The following ANKRD11 variants were observed in gnomAD, a reference collection of about 807,000 sequenced individuals.
ANKRD11 encodes the protein ankyrin repeat domain 11.
Under a neutral mutation model 195.7 loss-of-function variants are expected in ANKRD11, and 17 were observed. The ratio of observed to expected loss-of-function variants is 0.09; its 90% confidence interval spans 0.06 to 0.13. ANKRD11 has a LOEUF of 0.13. Ranked by LOEUF, ANKRD11 falls within the 10% of genes least tolerant of loss-of-function variation. The pLI is 1.00. For synonymous variants in ANKRD11, 1,953 were observed against 1,528.1 expected (o/e 1.28, Z -6.49); for missense variants, 3,735 against 3,566.1 (o/e 1.05, Z -1.21).
intron 2 of ANKRD11, among the ~76,000 whole-genome samples, chr16:89,345,181 C>G (rs1033177066): frequency 6.6e-6 from 1 of 152,096 alleles, no homozygotes; most frequent in Non-Finnish European, 1.5e-5. Flanking sequence ...CAAAAAGACA[C>G]TGTACAATCT....
chr16:89,388,292 G>GTTTTTTTTTTTTTTT (rs1567734637), intron 2 of ANKRD11, among the ~76,000 whole-genome samples: 1 of 61,052 alleles, frequency 1.6e-5, no homozygotes, highest in African/African-American at 5.0e-5. Context: ...CCATGAGGCT[G>GTTTTTTTTTTTTTTT]ATTTTTTTTT....
rs2057708271 is a variant in ANKRD11, at chr16:89,488,844, TGAAATCTAATTTCTCTACCATAA to T, written c.-145+1378_-145+1400del. ...AACTCTCTCCTCATGTAAGAAAGCC[TGAAATCTAATTTCTCTACCATAA>T]AACCCTGTTCTTGCAAAAGGATACA... On this transcript the variant is annotated intron_variant, in intron 1 of 12. Coordinates refer to ENST00000301030, the MANE Select transcript of ANKRD11 (RefSeq NM_013275.6). Among the ~76,000 whole-genome samples, 4 of 152,204 alleles carry T rather than the reference TGAAATCTAATTTCTCTACCATAA, an allele frequency of 2.6e-5. No homozygotes were observed. In the South Asian group the frequency reaches 6.2e-4, roughly 24 times the overall value.
rs758715592 is a variant in ANKRD11 at position 89,280,033 on chromosome 16, G to A, written c.6509C>T (p.Ala2170Val). ...LAPPEEMPPG[A>V]PGVINGGDVS... ...ATCCCCACCGTTTATGACCCCGGGG[G>A]CCCCTGGAGGCATCTCTTCTGGAGG... is the stretch of plus-strand genomic sequence containing the variant. Residue 2170 changes from alanine (A) to valine (V), a missense_variant, in exon 9 of 13, where the codon GCC becomes GTC. By Grantham distance (64) the Ala-to-Val change is moderately conservative. Coordinates refer to ENST00000301030, the MANE Select transcript of ANKRD11 (RefSeq NM_013275.6). 1.9e-6 allele frequency: 3 copies of A among 1,612,680 alleles called. No homozygotes were observed. Among genetic ancestry groups the A allele is most frequent in the African/African-American group, 2.7e-5 (2 of 74,944 alleles).
rs764501022 is a variant in ANKRD11, at chr16:89,282,324, G to A, written c.4218C>T (p.Tyr1406=). 1 of 1,614,142 alleles carries A rather than the reference G, an allele frequency of 6.2e-7. No individual in the cohort carries two copies. Among genetic ancestry groups the A allele is most frequent in the South Asian group, 1.1e-5 (1 of 91,078 alleles). Residue 1406 remains tyrosine (Y), a synonymous_variant, in exon 9 of 13, where the codon TAC becomes TAT. Transcript: ENST00000301030. The part of the protein sequence containing the change: ...FLEADAYGVS[Y]NMKADIEDEL... Reference sequence around the variant, plus strand: ...CATCTTCTATGTCAGCTTTCATGTTGTAAGAAACTCCGTAAGCATCCGCCT... The same window carrying A: ...CATCTTCTATGTCAGCTTTCATGTTATAAGAAACTCCGTAAGCATCCGCCT...
At chr16:89,307,008 G>C (rs77560414) in intron 3 of ANKRD11, among the ~76,000 whole-genome samples, 2 of 148,208 alleles carry the variant, frequency 1.3e-5, no homozygotes, top group African/African-American at 5.0e-5. Flanking sequence ...CGCTCGGGAC[G>C]TGGGGAGGGG....
At chr16:89,339,425 A>G (rs1282063981) in intron 2 of ANKRD11, among the ~76,000 whole-genome samples, 1 of 152,202 alleles carries the variant, frequency 6.6e-6, no homozygotes, top group Non-Finnish European at 1.5e-5. Context: ...AGCATCACAC[A>G]GGTCAGATCT....
At chr16:89,478,290 G>C (rs148106808) in intron 1 of ANKRD11, among the ~76,000 whole-genome samples, 1 of 151,778 alleles carries the variant, frequency 6.6e-6, no homozygotes, top group East Asian at 1.9e-4. Context: ...CATGCACGTC[G>C]GACTATCACC....
At chr16:89,296,863 G>C (rs1395747787) in intron 4 of ANKRD11, among the ~76,000 whole-genome samples, 1 of 152,030 alleles carries the variant, frequency 6.6e-6, no homozygotes, top group Non-Finnish European at 1.5e-5. Context: ...CCAAATGCCA[G>C]CCCCACCAGA....
In ANKRD11 at chr16:89,293,635, T is replaced by G. The variant is rs2035220154; in HGVS notation, c.227-2452A>C. On this transcript the variant is annotated intron_variant, in intron 4 of 12. Transcript: ENST00000301030. ...GGAGGAGCTGGGGCGGTGTTGGGGC[T>G]GCGGAGGGGAGGAGGCGGGGTGGTA... Among the ~76,000 whole-genome samples the G allele has an allele frequency of 5.4e-5, 4 of 73,494 alleles. No homozygotes were observed. In the South Asian group the frequency reaches 2.3e-3, roughly 43 times the overall value. 48.2% of individuals were successfully genotyped at this position (73,494 alleles called of 152,430 possible).
chr16:89,308,325 C>T (rs1412555968), intron 3 of ANKRD11, among the ~76,000 whole-genome samples: 1 of 152,110 alleles, frequency 6.6e-6, no homozygotes, highest in Non-Finnish European at 1.5e-5. Context: ...ACAGAAAAGG[C>T]CTGGGATAAA....
intron 3 of ANKRD11, among the ~76,000 whole-genome samples, chr16:89,311,173 A>AT (rs1279640116): frequency 6.6e-6 from 1 of 152,246 alleles, no homozygotes; most frequent in Non-Finnish European, 1.5e-5. Context: ...TTTCAGTCTT[A>AT]TAACAACTTG....
intron 2 of ANKRD11, among the ~76,000 whole-genome samples, chr16:89,333,457 C>G (rs1222825623): frequency 6.6e-6 from 1 of 152,220 alleles, no homozygotes; most frequent in African/African-American, 2.4e-5. Context: ...GTGGACCCAC[C>G]GTTGTGGTAT....
intron 4 of ANKRD11, among the ~76,000 whole-genome samples, chr16:89,295,528 T>C (rs2035358144): frequency 6.6e-6 from 1 of 152,192 alleles, no homozygotes; most frequent in Non-Finnish European, 1.5e-5. Context: ...GACCCCTCCA[T>C]GAGCCCCATG....
At chr16:89,423,396 T>A (rs1345241024) in intron 1 of ANKRD11, among the ~76,000 whole-genome samples, 4 of 152,212 alleles carry the variant, frequency 2.6e-5, no homozygotes, top group Admixed American at 6.5e-5. Context: ...CAGGTCTGTC[T>A]TTTCCCTGCT....
At chr16:89,452,779 CAAAAAAAAAA>C (rs11401095) in intron 1 of ANKRD11, among the ~76,000 whole-genome samples, 1 of 73,514 alleles carries the variant, frequency 1.4e-5, no homozygotes, top group Non-Finnish European at 2.5e-5. Context: ...GACTCTATCT[CAAAAAAAAAA>C]AAAAAAAAAA....
intron 4 of ANKRD11, among the ~76,000 whole-genome samples, chr16:89,302,080 G>A (rs2035890528): frequency 6.6e-6 from 1 of 152,188 alleles, no homozygotes; most frequent in Non-Finnish European, 1.5e-5. Context: ...AGTTAACCCT[G>A]CACCAATGTT....
chr16:89,432,840 A>G (rs113088895), intron 1 of ANKRD11, among the ~76,000 whole-genome samples: 3 of 152,106 alleles, frequency 2.0e-5, no homozygotes, highest in African/African-American at 7.2e-5. Context: ...ACTCAGTAGA[A>G]TCACTTGAGT....
At chr16:89,425,781 A>C (rs935472790) in intron 1 of ANKRD11, among the ~76,000 whole-genome samples, 13 of 152,114 alleles carry the variant, frequency 8.5e-5, no homozygotes, top group African/African-American at 3.1e-4. Flanking sequence ...CCAGGGAATA[A>C]AGGCAACTAC....
At chr16:89,473,222 T>C (rs2057147593) in intron 1 of ANKRD11, among the ~76,000 whole-genome samples, 1 of 149,428 alleles carries the variant, frequency 6.7e-6, no homozygotes, top group South Asian at 2.1e-4. Context: ...GCCTGAAGGA[T>C]GAGTAGGCAT....
Sources: allele counts gnomAD v4.1 joint callset (sites outside exome capture counted in the v4.1 genomes callset), GRCh38; gene constraint gnomAD v4.1.1; transcripts MANE v1.5; gene names NCBI Gene and HGNC (gene_info 2026-07-23, HGNC 2026-07-21).